The following C16orf89 variants were observed in gnomAD, a reference collection of about 807,000 sequenced individuals.
C16orf89 encodes chromosome 16 open reading frame 89, also known as UPF0764 protein C16orf89.
C16orf89 carries 57 observed loss-of-function variants against 41.5 expected under a neutral mutation model. The observed-to-expected ratio is 1.38, with a 90% CI of 1.11 to 1.71. C16orf89 has a LOEUF of 1.71. Among genes scored for constraint, C16orf89 ranks in the 40% most tolerant of loss-of-function variants. The pLI, the probability that C16orf89 is intolerant of heterozygous loss-of-function variation, is 0.00. For synonymous variants in C16orf89, 223 were observed against 190.6 expected, an observed-to-expected ratio of 1.17 and a Z score of -1.40; for missense variants, 575 against 445.9, an observed-to-expected ratio of 1.29 and a Z score of -2.61.
intron 1 of C16orf89, among the ~76,000 whole-genome samples, chr16:5,064,803 C>T (rs1956701633): frequency 6.6e-6 from 1 of 152,160 alleles, no homozygotes; most frequent in Non-Finnish European, 1.5e-5. Flanking sequence ...TGGTCTGAGG[C>T]TGTTAGGTGG....
At chr16:5,051,771 A>G (rs930249382) in intron 6 of C16orf89, among the ~76,000 whole-genome samples, 7 of 152,234 alleles carry the variant, frequency 4.6e-5, no homozygotes, top group African/African-American at 1.7e-4. Flanking sequence ...GAAGCATCAC[A>G]TTACTGGACT....
chr16:5,048,372 G>GC (rs1956339657), intron 6 of C16orf89, among the ~76,000 whole-genome samples: 1 of 152,088 alleles, frequency 6.6e-6, no homozygotes, highest in African/African-American at 2.4e-5. Context: ...TAAACCTCCT[G>GC]CCCCCATAAC....
chr16:5,060,364 A>T lies in C16orf89; in HGVS notation c.431T>A (p.Val144Glu), dbSNP rs528802235. The T allele has an allele frequency of 3.7e-6, 6 of 1,613,554 alleles. No individual in the cohort carries two copies. Among genetic ancestry groups the T allele is most frequent in the Non-Finnish European group, 5.1e-6 (6 of 1,179,868 alleles). ...HAWIHTDASL[V>E]YPTFGPQDSF... ...GTCCTGGGGCCCGAACGTGGGGTAC[A>T]CCAAGGAGGCATCAGTGTGGATCCA... Residue 144 changes from valine to glutamate, a missense_variant, in exon 3 of 8, where the codon GTG (valine) becomes GAG (glutamate). Physicochemically the swap from Val to Glu is moderately radical, Grantham distance 121 (BLOSUM62 -2). Transcript: ENST00000472572.
At chr16:5,052,395 G>C (rs1956414662) in intron 6 of C16orf89, among the ~76,000 whole-genome samples, 1 of 152,122 alleles carries the variant, frequency 6.6e-6, no homozygotes, top group Non-Finnish European at 1.5e-5. Flanking sequence ...TTCTGGATCA[G>C]CTTGGGCAAC....
chr16:5,048,690 A>G (rs1359310247), intron 6 of C16orf89, among the ~76,000 whole-genome samples: 1 of 152,238 alleles, frequency 6.6e-6, no homozygotes, highest in East Asian at 1.9e-4. Context: ...ATGAAAAAGT[A>G]TAAAAGTTAC....
chr16:5,058,615 G>A lies in C16orf89; in HGVS notation c.510-5C>T. ...CAGGGCTCGCTGCTGTCCGTCCTGG[G>A]GGAAAGTGGTTCCAAGCTGTTAAGG... is the stretch of plus-strand genomic sequence containing the variant. On this transcript the variant is annotated splice_region_variant and splice_polypyrimidine_tract_variant and intron_variant, in intron 3 of 7. Coordinates refer to ENST00000472572, the MANE Select transcript of C16orf89 (RefSeq NM_001098514.3). The A allele has an allele frequency of 6.2e-7, 1 of 1,605,104 alleles. No homozygotes were observed.
intron 1 of C16orf89, among the ~76,000 whole-genome samples, chr16:5,063,458 C>G (rs1212703635): frequency 6.6e-6 from 1 of 152,172 alleles, no homozygotes; most frequent in Non-Finnish European, 1.5e-5. Context: ...TCCCCAACCT[C>G]CAGTCCATTA....
intron 3 of C16orf89, 123 bp downstream of exon 3, chr16:5,060,163 G>A: frequency 8.1e-7 from 1 of 1,227,020 alleles, no homozygotes; most frequent in Non-Finnish European, 1.1e-6. Flanking sequence ...ACAGGGAGCT[G>A]CACCTGTGTC....
At chr16:5,061,719 C>T (rs1956631098) in intron 2 of C16orf89, among the ~76,000 whole-genome samples, 1 of 152,120 alleles carries the variant, frequency 6.6e-6, no homozygotes, top group African/African-American at 2.4e-5. Flanking sequence ...GCTATGGTCC[C>T]TGCGGCTGGA....
chr16:5,053,312 T>C (rs186242789), intron 6 of C16orf89, among the ~76,000 whole-genome samples: 7 of 151,836 alleles, frequency 4.6e-5, no homozygotes, highest in Admixed American at 1.3e-4. Flanking sequence ...GGAGGTTGCA[T>C]TGAGCCAAGA....
chr16:5,061,282 AAAG>A (rs1348729336), intron 2 of C16orf89, among the ~76,000 whole-genome samples: 1 of 146,362 alleles, frequency 6.8e-6, no homozygotes, highest in Non-Finnish European at 1.5e-5. Flanking sequence ...AAAAAAAAAA[AAAG>A]CCGGGCGTGG....
chr16:5,060,252 G>A (rs140859577), intron 3 of C16orf89, 34 bp downstream of exon 3: 1 of 1,577,084 alleles, frequency 6.3e-7, no homozygotes, highest in East Asian at 2.3e-5. Flanking sequence ...AGTGCGTTTG[G>A]GTTTCCAGCA....
intron 3 of C16orf89, among the ~76,000 whole-genome samples, chr16:5,059,877 G>A (rs893633390): frequency 1.3e-5 from 2 of 151,848 alleles, no homozygotes; most frequent in Admixed American, 1.3e-4. Flanking sequence ...GCCAGCCCTG[G>A]AGGATGGGCA....
At position 5,044,719 on chromosome 16, in the gene C16orf89, C is replaced by T. The variant is rs919833422; in HGVS notation, c.956-241G>A. On this transcript the variant is annotated intron_variant, in intron 7 of 7. Transcript: ENST00000472572. Reference sequence around the variant, plus strand: ...ATTAGCCAGGTATGGTGGCACGCTCCTGTAGTCCCAGCTACTCGGGAGGAT... The same window carrying T: ...ATTAGCCAGGTATGGTGGCACGCTCTTGTAGTCCCAGCTACTCGGGAGGAT... 2.2e-5 allele frequency: 22 copies of T among 988,444 alleles called. No homozygotes were observed. In the African/African-American group the frequency reaches 3.3e-4, roughly 15 times the overall value. 61.2% of individuals were successfully genotyped at this position (988,444 alleles called of 1,614,324 possible).
At position 5,065,942 on chromosome 16, in the gene C16orf89, A is replaced by G. The variant is rs375610948; in HGVS notation, c.-34T>C. The G allele has an allele frequency of 6.2e-7, 1 of 1,605,706 alleles. No homozygotes were observed. The highest frequency in any genetic ancestry group is 8.5e-7 in the Non-Finnish European group (1 of 1,177,334). The stretch of plus-strand genomic sequence containing the variant: ...TCTGCTCACTGCTGGTCACACGCTC[A>G]GCACCCTGAGCTCTGGCCAAGCCCA... On this transcript the variant is annotated 5_prime_UTR_variant, in exon 1 of 8. Transcript: ENST00000472572.
At chr16:5,060,945 CTT>C (rs386384101) in intron 2 of C16orf89, among the ~76,000 whole-genome samples, 12 of 93,510 alleles carry the variant, frequency 1.3e-4, no homozygotes, top group Non-Finnish European at 1.6e-4. Flanking sequence ...TATGATCAGC[CTT>C]TTTTTTTTTT....
At chr16:5,052,118 A>G (rs111672803) in intron 6 of C16orf89, among the ~76,000 whole-genome samples, 1,952 of 150,756 alleles carry the variant, frequency 0.013, 21 homozygotes, top group African/African-American at 0.04. Flanking sequence ...AAAAAAAAAA[A>G]AAGAAGGAAA....
At chr16:5,047,589 T>C (rs1458271701) in intron 7 of C16orf89, among the ~76,000 whole-genome samples, 1 of 151,914 alleles carries the variant, frequency 6.6e-6, no homozygotes, top group East Asian at 1.9e-4. Context: ...TGCCTCAGAC[T>C]CCCGAGTAAC....
intron 5 of C16orf89, 191 bp from the exon 6 acceptor site, chr16:5,055,541 T>C: frequency 9.9e-7 from 1 of 1,008,916 alleles, no homozygotes; most frequent in Non-Finnish European, 1.4e-6. Context: ...CATGCTTGTG[T>C]CCCGCCTCCC....
Sources: gnomAD v4.1 joint callset for allele counts (sites outside exome capture counted in the v4.1 genomes callset) on GRCh38, gnomAD v4.1.1 for gene constraint, MANE v1.5 for transcripts, NCBI Gene and HGNC (gene_info 2026-07-23, HGNC 2026-07-21) for gene names.